Variants in PRR16 observed in about 807,000 individuals in gnomAD.
PRR16 encodes the protein protein Largen.
In PRR16, 6 loss-of-function variants were observed where a neutral mutation model predicts 18.2. The ratio of observed to expected loss-of-function variants is 0.33; its 90% CI spans 0.18 to 0.65. PRR16 has a LOEUF of 0.65. Ranked by LOEUF, PRR16 falls within the 30% of genes least tolerant of loss-of-function variation. The pLI, the probability that PRR16 is intolerant of heterozygous loss-of-function variation, is 0.74. For missense variants in PRR16, 412 were observed against 376.6 expected, an observed-to-expected ratio of 1.09 and a Z score of -0.78; for synonymous variants, 151 against 147.8, an observed-to-expected ratio of 1.02 and a Z score of -0.16.
chr5:120,661,714 A>G (rs716815), intron 1 of PRR16, among the ~76,000 whole-genome samples: 52,489 of 151,738 alleles, frequency 0.35, 9,968 homozygotes, highest in East Asian at 0.81. Context: ...GCCAGCTGCT[A>G]TATGGGGCCA....
intron 1 of PRR16, among the ~76,000 whole-genome samples, chr5:120,679,713 C>T (rs914093921): frequency 2.0e-5 from 3 of 151,996 alleles, no homozygotes; most frequent in Non-Finnish European, 4.4e-5. Flanking sequence ...CACGGATGGA[C>T]TTGAACGACA....
the PRR16 span, among the ~76,000 whole-genome samples, chr5:120,704,349 C>CT: frequency 1.3e-5 from 2 of 151,940 alleles, no homozygotes; most frequent in African/African-American, 4.8e-5. Context: ...AGACTGTTTT[C>CT]TTTTTTTCCC....
At chr5:120,609,358 C>T (rs1307521043) in intron 1 of PRR16, among the ~76,000 whole-genome samples, 2 of 152,016 alleles carry the variant, frequency 1.3e-5, no homozygotes, top group Non-Finnish European at 2.9e-5. Flanking sequence ...AATAAGGACT[C>T]CCCACTTCTC....
chr5:120,650,271 GAAAT>G (rs977915936), intron 1 of PRR16, among the ~76,000 whole-genome samples: 15 of 149,062 alleles, frequency 1.0e-4, no homozygotes, highest in Admixed American at 8.0e-4. Flanking sequence ...GAAAGAATAA[GAAAT>G]AAATCATTCA....
the PRR16 span, among the ~76,000 whole-genome samples, chr5:120,744,311 T>G: frequency 6.6e-6 from 1 of 152,150 alleles, no homozygotes; most frequent in Non-Finnish European, 1.5e-5. Flanking sequence ...CACCAGACAT[T>G]CCTAGAAAAG....
At chr5:120,506,670 T>C (rs1421038847) in intron 1 of PRR16, among the ~76,000 whole-genome samples, 1 of 152,130 alleles carries the variant, frequency 6.6e-6, no homozygotes, top group East Asian at 1.9e-4. Context: ...GGCCCAGGCA[T>C]CTTCTATCTT....
chr5:120,774,719 T>C, the PRR16 span, among the ~76,000 whole-genome samples: 1 of 152,208 alleles, frequency 6.6e-6, no homozygotes, highest in Non-Finnish European at 1.5e-5. Context: ...AATACTTTTC[T>C]ACAACTAAAC....
At chr5:120,705,175 A>G in the PRR16 span, among the ~76,000 whole-genome samples, 2 of 152,200 alleles carry the variant, frequency 1.3e-5, no homozygotes, top group East Asian at 3.9e-4. Context: ...TATCAGTAAT[A>G]TGCTTAGGTA....
At chr5:120,529,602 A>G (rs1020032868) in intron 1 of PRR16, among the ~76,000 whole-genome samples, 1 of 152,154 alleles carries the variant, frequency 6.6e-6, no homozygotes, top group Non-Finnish European at 1.5e-5. Flanking sequence ...CGCAGAGTGC[A>G]TCAGCTTTCA....
chr5:120,739,653 A>C, the PRR16 span, among the ~76,000 whole-genome samples: 1 of 152,186 alleles, frequency 6.6e-6, no homozygotes, highest in Non-Finnish European at 1.5e-5. Context: ...ACCTAACAAT[A>C]GCACCACTCT....
chr5:120,667,938 G>A (rs1451235081), intron 1 of PRR16, among the ~76,000 whole-genome samples: 2 of 152,086 alleles, frequency 1.3e-5, no homozygotes, highest in Non-Finnish European at 2.9e-5. Context: ...CTGTTGATTT[G>A]GGGTGGAGAG....
chr5:120,651,444 G>C (rs1467700381), intron 1 of PRR16, among the ~76,000 whole-genome samples: 7 of 152,092 alleles, frequency 4.6e-5, no homozygotes, highest in Non-Finnish European at 1.0e-4. Context: ...TTTTCTTCTA[G>C]GGTTTTTATG....
the PRR16 span, among the ~76,000 whole-genome samples, chr5:120,764,649 AT>A: frequency 6.7e-6 from 1 of 149,516 alleles, no homozygotes; most frequent in East Asian, 1.9e-4. Context: ...AAAAGATTAA[AT>A]TTTATTTTAG....
chr5:120,721,749 T>C, the PRR16 span, among the ~76,000 whole-genome samples: 1 of 152,188 alleles, frequency 6.6e-6, no homozygotes, highest in Non-Finnish European at 1.5e-5. Context: ...GTTGAGAATA[T>C]ACTATAAAGA....
At chr5:120,476,373 G>T (rs1481254886) in intron 1 of PRR16, among the ~76,000 whole-genome samples, 2 of 151,924 alleles carry the variant, frequency 1.3e-5, no homozygotes, top group Non-Finnish European at 2.9e-5. Context: ...TGATATCTGT[G>T]CTCCTTATGT....
intron 1 of PRR16, among the ~76,000 whole-genome samples, chr5:120,506,899 G>C (rs1750662463): frequency 6.6e-6 from 1 of 152,098 alleles, no homozygotes; most frequent in Admixed American, 6.6e-5. Flanking sequence ...TTTGAGCACA[G>C]TGGGGTCCCA....
chr5:120,530,269 A>ATATATATATATATATATATATT (rs1751502934), intron 1 of PRR16, among the ~76,000 whole-genome samples: 2 of 123,202 alleles, frequency 1.6e-5, no homozygotes, highest in African/African-American at 7.0e-5. Context: ...ATATATATAT[A>ATATATATATATATATATATATT]TATATATATA....
At chr5:120,523,098 A>G (rs748562763) in intron 1 of PRR16, among the ~76,000 whole-genome samples, 8 of 150,784 alleles carry the variant, frequency 5.3e-5, no homozygotes, top group Non-Finnish European at 1.2e-4. Flanking sequence ...ATTAACTTCA[A>G]AAGAGTTAAC....
intron 1 of PRR16, among the ~76,000 whole-genome samples, chr5:120,611,642 T>C (rs1226659657): frequency 1.3e-5 from 2 of 152,200 alleles, no homozygotes; most frequent in African/African-American, 4.8e-5. Flanking sequence ...AAGTCAAGAA[T>C]TGGGGTCTAG....
Sources: gnomAD v4.1 joint callset for allele counts (sites outside exome capture counted in the v4.1 genomes callset) on GRCh38, gnomAD v4.1.1 for gene constraint, MANE v1.5 for transcripts, NCBI Gene and HGNC (gene_info 2026-07-23, HGNC 2026-07-21) for gene names.